LPP: variants seen among roughly 807,000 people sequenced by gnomAD.
The protein encoded by LPP is LIM domain containing preferred translocation partner in lipoma, also known as lipoma-preferred partner.
Under a neutral mutation model 60.4 loss-of-function variants are expected in LPP, and 38 were observed. The observed-to-expected ratio is 0.63, with a 90% CI of 0.49 to 0.83. The LOEUF (loss-of-function observed/expected upper bound fraction) is 0.83. Among genes scored for constraint, LPP ranks in the 40% least tolerant of loss-of-function variants. LPP has a pLI of 0.00. For synonymous variants in LPP, 328 were observed against 290.8 expected (o/e 1.13, Z -1.30); for missense variants, 902 against 783.6 (o/e 1.15, Z -1.80).
At chr3:188,566,984 T>C (rs2150773622) in intron 6 of LPP, among the ~76,000 whole-genome samples, 1 of 151,996 alleles carries the variant, frequency 6.6e-6, no homozygotes, top group Admixed American at 6.6e-5. Context: ...GCTATATAAA[T>C]GCAAAGAGGA....
intron 9 of LPP, among the ~76,000 whole-genome samples, chr3:188,861,933 A>C (rs1263638420): frequency 6.6e-6 from 1 of 152,226 alleles, no homozygotes; most frequent in Non-Finnish European, 1.5e-5. Flanking sequence ...GTAGCCTAAA[A>C]CATTTTTTTA....
Position 188,879,481 on chromosome 3 carries a change from T to A in LPP, c.*5002T>A. The A allele has an allele frequency of 4.9e-6, 1 of 203,392 alleles. No individual in the cohort carries two copies. The highest frequency in any genetic ancestry group is 1.0e-5 in the Non-Finnish European group (1 of 98,998). 12.6% of individuals were successfully genotyped at this position (203,392 alleles called of 1,614,324 possible). A position where few individuals can be genotyped will look rare whatever the true frequency, so the allele number is the denominator to read the frequency against. ...ATATTTTTTAGGTTGTATTTATTCGTAAAGTGAAATGAGATAATAGAGTCT... is the reference window on the plus strand; with the variant it reads ...ATATTTTTTAGGTTGTATTTATTCGAAAAGTGAAATGAGATAATAGAGTCT... On this transcript the variant is annotated 3_prime_UTR_variant, in exon 12 of 12. Transcript: ENST00000617246.
At chr3:188,394,594 G>A (rs1455191896) in intron 3 of LPP, among the ~76,000 whole-genome samples, 1 of 147,854 alleles carries the variant, frequency 6.8e-6, no homozygotes, top group African/African-American at 2.5e-5. Context: ...ATGTATTTGT[G>A]TTTTATTTCC....
At chr3:188,678,791 G>A (rs1369362039) in intron 7 of LPP, among the ~76,000 whole-genome samples, 1 of 152,152 alleles carries the variant, frequency 6.6e-6, no homozygotes, top group Non-Finnish European at 1.5e-5. Flanking sequence ...ATTTAAATAG[G>A]TTAAATCCTA....
intron 3 of LPP, among the ~76,000 whole-genome samples, chr3:188,366,523 T>G (rs1364935119): frequency 6.6e-6 from 1 of 152,184 alleles, no homozygotes; most frequent in Non-Finnish European, 1.5e-5. Flanking sequence ...CATTTCTTAT[T>G]TCTATGTTCC....
At chr3:188,655,534 T>C (rs2149030648) in intron 7 of LPP, among the ~76,000 whole-genome samples, 1 of 152,316 alleles carries the variant, frequency 6.6e-6, no homozygotes, top group East Asian at 1.9e-4. Context: ...ATTATCTCAA[T>C]GACGATTTTA....
In LPP at chr3:188,881,464, T is replaced by C. The variant is rs930343383; in HGVS notation, c.*6985T>C. On this transcript the variant is annotated 3_prime_UTR_variant, in exon 12 of 12. Coordinates refer to ENST00000617246, the MANE Select transcript of LPP (RefSeq NM_001375462.1). ...AGTGTACTCAGTGAAACTTGGCAGT[T>C]CACCATGAGTCAGGCTAGGTTGAAA... 4 of 210,012 alleles carry C rather than the reference T, an allele frequency of 1.9e-5. No individual in the cohort carries two copies. The highest frequency in any genetic ancestry group is 9.1e-5 in the African/African-American group (4 of 44,144). 13.0% of individuals were successfully genotyped at this position (210,012 alleles called of 1,614,324 possible).
At chr3:188,452,981 C>CATGG (rs1378292798) in intron 4 of LPP, among the ~76,000 whole-genome samples, 1 of 152,112 alleles carries the variant, frequency 6.6e-6, no homozygotes, top group Non-Finnish European at 1.5e-5. Flanking sequence ...CATACATGAC[C>CATGG]ATGGTTCTTA....
At chr3:188,530,236 G>A (rs1821795728) in intron 6 of LPP, among the ~76,000 whole-genome samples, 1 of 152,150 alleles carries the variant, frequency 6.6e-6, no homozygotes, top group Non-Finnish European at 1.5e-5. Flanking sequence ...ATTTACAGGG[G>A]GATAGCAACA....
chr3:188,479,156 G>T (rs992685), intron 4 of LPP, among the ~76,000 whole-genome samples: 55,391 of 152,046 alleles, frequency 0.36, 10,116 homozygotes, highest in African/African-American at 0.41. Context: ...TGTGTGTGTA[G>T]GTATTCCAAT....
chr3:188,341,374 G>A (rs1763008279), intron 2 of LPP, among the ~76,000 whole-genome samples: 1 of 152,164 alleles, frequency 6.6e-6, no homozygotes, highest in African/African-American at 2.4e-5. Flanking sequence ...GTAAAATGTG[G>A]ACAATAATAT....
chr3:188,628,094 C>T (rs1028814464), intron 7 of LPP, among the ~76,000 whole-genome samples: 1 of 151,860 alleles, frequency 6.6e-6, no homozygotes, highest in Admixed American at 6.6e-5. Flanking sequence ...CCAGAGAACA[C>T]AGCTAAAGCA....
At chr3:188,270,428 C>G (rs1737351578) in intron 2 of LPP, among the ~76,000 whole-genome samples, 1 of 152,180 alleles carries the variant, frequency 6.6e-6, no homozygotes, top group African/African-American at 2.4e-5. Context: ...TTCCTCTTCT[C>G]AAGTTCAGAG....
intron 1 of LPP, among the ~76,000 whole-genome samples, chr3:188,224,702 G>A (rs73057631): frequency 0.017 from 2,609 of 152,220 alleles, 68 homozygotes; most frequent in African/African-American, 0.057. Flanking sequence ...GATGGCAAAA[G>A]CAGGAGCAAG....
chr3:188,249,880 A>T (rs930443975), intron 2 of LPP, among the ~76,000 whole-genome samples: 1 of 88,468 alleles, frequency 1.1e-5, no homozygotes, highest in Non-Finnish European at 2.2e-5. Context: ...AGTCTCCCCC[A>T]CCCCATATAT....
At chr3:188,621,139 C>CAA (rs56228100) in intron 7 of LPP, among the ~76,000 whole-genome samples, 65 of 142,990 alleles carry the variant, frequency 4.5e-4, no homozygotes, top group Middle Eastern at 3.6e-3. Flanking sequence ...AATTTTATTC[C>CAA]AAAAAAAAAA....
chr3:188,628,050 AT>A (rs1290776923), intron 7 of LPP, among the ~76,000 whole-genome samples: 2 of 152,124 alleles, frequency 1.3e-5, no homozygotes, highest in Non-Finnish European at 2.9e-5. Context: ...AATAAAAAAA[AT>A]CCTTTGAAAC....
intron 7 of LPP, among the ~76,000 whole-genome samples, chr3:188,639,866 C>T (rs1407239726): frequency 6.6e-6 from 1 of 152,164 alleles, no homozygotes; most frequent in Non-Finnish European, 1.5e-5. Context: ...AGTCAGGAAA[C>T]TACAGGTGCT....
intron 7 of LPP, among the ~76,000 whole-genome samples, chr3:188,617,749 A>G (rs1845128422): frequency 6.6e-6 from 1 of 152,210 alleles, no homozygotes; most frequent in Non-Finnish European, 1.5e-5. Flanking sequence ...TCCCTTTGGA[A>G]AGTTCAGCAA....
Sources: gnomAD v4.1 joint callset for allele counts (sites outside exome capture counted in the v4.1 genomes callset) on GRCh38, gnomAD v4.1.1 for gene constraint, MANE v1.5 for transcripts, NCBI Gene and HGNC (gene_info 2026-07-23, HGNC 2026-07-21) for gene names.